The following EML6 variants were observed in gnomAD, a reference collection of about 807,000 sequenced individuals.
The protein encoded by EML6 is echinoderm microtubule-associated protein-like 6.
A neutral mutation model predicts 240.1 loss-of-function variants in EML6; 154 were observed. The observed-to-expected ratio is 0.64, with a 90% CI of 0.56 to 0.73. The LOEUF is 0.73. EML6 is among the 30% of genes least tolerant of loss of function. The pLI, the probability that EML6 is intolerant of heterozygous loss-of-function variation, is 0.00. For missense variants in EML6, 2,964 were observed against 2,474.6 expected, an observed-to-expected ratio of 1.20 and a Z score of -4.20; for synonymous variants, 1,148 against 899.0, an observed-to-expected ratio of 1.28 and a Z score of -4.95.
chr2:54,827,518 C>T (rs1482694674), intron 5 of EML6, 48 bp from the exon 6 acceptor site: 18 of 1,438,332 alleles, frequency 1.3e-5, no homozygotes, highest in Non-Finnish European at 1.7e-5. Context: ...CAATGCAATA[C>T]ATCCGAATAC....
At chr2:54,843,726 C>T (rs1018921168) in intron 7 of EML6, among the ~76,000 whole-genome samples, 4 of 151,686 alleles carry the variant, frequency 2.6e-5, no homozygotes, top group Admixed American at 2.6e-4. Context: ...ATCTGTAGTC[C>T]CAGCTACTTG....
intron 18 of EML6, among the ~76,000 whole-genome samples, chr2:54,891,801 G>A (rs1672483370): frequency 6.6e-6 from 1 of 152,198 alleles, no homozygotes; most frequent in African/African-American, 2.4e-5. Context: ...CACCCAGTAT[G>A]TCTGGAGAGC....
At chr2:54,836,819 C>T (rs762698627) in intron 7 of EML6, among the ~76,000 whole-genome samples, 1 of 152,194 alleles carries the variant, frequency 6.6e-6, no homozygotes, top group Non-Finnish European at 1.5e-5. Context: ...GCTCCAAAAT[C>T]ATTGGTGTTT....
At chr2:54,814,549 A>G (rs915936525) in intron 3 of EML6, among the ~76,000 whole-genome samples, 3 of 151,706 alleles carry the variant, frequency 2.0e-5, no homozygotes, top group African/African-American at 7.3e-5. Context: ...TGTCTCTCTC[A>G]CCCTGCGTGT....
At chr2:54,889,147 A>G (rs1434207163) in intron 17 of EML6, among the ~76,000 whole-genome samples, 1 of 152,086 alleles carries the variant, frequency 6.6e-6, no homozygotes, top group Non-Finnish European at 1.5e-5. Context: ...CTGTTTTGCC[A>G]TTTGTCAGTC....
At chr2:54,818,691 C>CTATT (rs1668189718) in intron 4 of EML6, among the ~76,000 whole-genome samples, 2 of 152,166 alleles carry the variant, frequency 1.3e-5, no homozygotes, top group African/African-American at 4.8e-5. Context: ...TGTGCATGTG[C>CTATT]TATTGCTGTG....
At chr2:54,966,222 T>A (rs1019036115) in intron 38 of EML6, among the ~76,000 whole-genome samples, 2 of 152,234 alleles carry the variant, frequency 1.3e-5, no homozygotes, top group African/African-American at 4.8e-5. Context: ...AACAAGGTGC[T>A]GAATTTAGAT....
chr2:54,869,591 T>C (rs1671147924), intron 15 of EML6, among the ~76,000 whole-genome samples: 1 of 152,176 alleles, frequency 6.6e-6, no homozygotes, highest in Admixed American at 6.5e-5. Flanking sequence ...AATGATGAGA[T>C]CTATGAATGG....
chr2:54,933,842 C>A (rs370238391), intron 28 of EML6, among the ~76,000 whole-genome samples: 1 of 152,180 alleles, frequency 6.6e-6, no homozygotes, highest in Non-Finnish European at 1.5e-5. Flanking sequence ...CAGCCAGTTG[C>A]CACATCCAGG....
At chr2:54,951,499 C>G (rs541564411) in intron 30 of EML6, among the ~76,000 whole-genome samples, 1 of 151,446 alleles carries the variant, frequency 6.6e-6, no homozygotes, top group Admixed American at 6.6e-5. Context: ...GAGCCAAGAT[C>G]GCGCCATTGC....
Position 54,910,981 on chromosome 2 carries a change from C to T in EML6, c.3437C>T (p.Ala1146Val), listed in dbSNP as rs1484231784. ...RGKLLQVNSGAREQLFFEAPR... is the reference protein window; with the variant it reads ...RGKLLQVNSGVREQLFFEAPR... ...AAATTATTGCAAGTGAATTCAGGTG[C>T]CAGAGAACAACTTTTTTTTGAAGCT... is the stretch of plus-strand genomic sequence containing the variant. The change falls in exon 25 of 42, where the codon GCC (alanine) becomes GTC (valine). Residue 1146 changes from alanine (A) to valine (V), a missense_variant. Coordinates refer to ENST00000356458, the MANE Select transcript of EML6 (RefSeq NM_001039753.4). The T allele has an allele frequency of 2.0e-6, 3 of 1,534,670 alleles. No individual in the cohort carries two copies. Among genetic ancestry groups the T allele is most frequent in the East Asian group, 4.9e-5 (2 of 40,782 alleles).
chr2:54,795,505 G>T (rs1259591427), intron 2 of EML6, among the ~76,000 whole-genome samples: 2 of 152,154 alleles, frequency 1.3e-5, no homozygotes, highest in East Asian at 1.9e-4. Context: ...TCAAATACAC[G>T]TGTGGGGGAG....
intron 24 of EML6, among the ~76,000 whole-genome samples, chr2:54,909,529 G>A (rs1673527415): frequency 6.6e-6 from 1 of 152,118 alleles, no homozygotes; most frequent in Non-Finnish European, 1.5e-5. Context: ...TCAGGTAGAA[G>A]TAGATCTACA....
intron 5 of EML6, among the ~76,000 whole-genome samples, chr2:54,824,411 CA>C (rs1668489409): frequency 6.6e-6 from 1 of 152,096 alleles, no homozygotes; most frequent in African/African-American, 2.4e-5. Context: ...AAGCGGACTT[CA>C]AAAAATTATT....
Position 54,971,094 on chromosome 2 carries a change from C to T in EML6, c.*999C>T, listed in dbSNP as rs1391958830. The T allele has an allele frequency of 1.3e-5, 2 of 152,166 alleles. No homozygotes were observed. The highest frequency in any genetic ancestry group is 2.4e-5 in the African/African-American group (1 of 41,424). 9.4% of individuals were successfully genotyped at this position (152,166 alleles called of 1,614,324 possible). ...TAACCCAAGGCTGCACCTTGGTGTA[C>T]CACCCTGAGTGGAGTTGAGGTGACT... On this transcript the variant is annotated 3_prime_UTR_variant, in exon 42 of 42. Coordinates refer to ENST00000356458, the MANE Select transcript of EML6 (RefSeq NM_001039753.4).
intron 9 of EML6, among the ~76,000 whole-genome samples, chr2:54,849,114 C>A (rs1000975111): frequency 6.6e-6 from 1 of 152,094 alleles, no homozygotes; most frequent in African/African-American, 2.4e-5. Context: ...AACATGAAAG[C>A]AAATGTGCAT....
At chr2:54,953,915 A>G in intron 31 of EML6, 68 bp from the exon 32 acceptor site, 1 of 1,265,158 alleles carries the variant, frequency 7.9e-7, no homozygotes, top group Non-Finnish European at 1.1e-6. Context: ...CTTTTACATG[A>G]ACATAAGCAT....
At chr2:54,912,188 A>G (rs950019804) in intron 25 of EML6, among the ~76,000 whole-genome samples, 5 of 152,190 alleles carry the variant, frequency 3.3e-5, no homozygotes, top group Admixed American at 3.3e-4. Flanking sequence ...AAAAATATAC[A>G]TCGTTATAGA....
At chr2:54,920,426 T>A (rs913061465) in intron 26 of EML6, among the ~76,000 whole-genome samples, 1 of 151,966 alleles carries the variant, frequency 6.6e-6, no homozygotes, top group African/African-American at 2.4e-5. Flanking sequence ...ATGAAACATA[T>A]CTGGAAATAC....
Sources: gnomAD v4.1 joint callset for allele counts (sites outside exome capture counted in the v4.1 genomes callset) on GRCh38, gnomAD v4.1.1 for gene constraint, MANE v1.5 for transcripts, NCBI Gene and HGNC (gene_info 2026-07-23, HGNC 2026-07-21) for gene names.